The following MCPH1 variants were observed in gnomAD, a reference collection of about 807,000 sequenced individuals.
MCPH1 encodes microcephalin 1, also known as microcephalin.
Under a neutral mutation model 84.5 loss-of-function variants are expected in MCPH1, and 104 were observed. The observed-to-expected ratio is 1.23, with a 90% confidence interval of 1.05 to 1.45. The LOEUF is 1.45. Ranked by LOEUF, MCPH1 falls within the 40% of genes most tolerant of loss-of-function variation. The pLI is 0.00. For synonymous variants in MCPH1, 514 were observed against 366.8 expected, an observed-to-expected ratio of 1.40 and a Z score of -4.58; for missense variants, 1,498 against 1,005.7, an observed-to-expected ratio of 1.49 and a Z score of -6.62.
chr8:6,446,940 A>C, intron 8 of MCPH1: 1 of 985,304 alleles, frequency 1.0e-6, no homozygotes, highest in Non-Finnish European at 1.2e-6. Context: ...GGCCAGCACT[A>C]GTTGACTCAA....
chr8:6,433,067 G>C (rs1193139128), intron 4 of MCPH1, among the ~76,000 whole-genome samples: 1 of 152,154 alleles, frequency 6.6e-6, no homozygotes, highest in Non-Finnish European at 1.5e-5. Flanking sequence ...GTATCATTTG[G>C]TGAGTTGCCT....
chr8:6,473,747 G>C, intron 9 of MCPH1: 1 of 604,712 alleles, frequency 1.7e-6, no homozygotes, highest in Non-Finnish European at 2.6e-6. Context: ...CCTGCAACAT[G>C]AGTTTAATAA....
In MCPH1 at chr8:6,409,313, T is replaced by C; in HGVS notation, c.57T>C (p.Asn19=). Reference sequence around the variant, plus strand: ...CCTATGTTGAAGTGTGGTCATCCAATGGAACAGAAAATTATTCAAAGACAT... The same window carrying C: ...CCTATGTTGAAGTGTGGTCATCCAACGGAACAGAAAATTATTCAAAGACAT... ...VVAYVEVWSS[N]GTENYSKTFT... is the part of the protein sequence containing the mutation. Residue 19 remains asparagine, a synonymous_variant, in exon 2 of 14, where the codon AAT becomes AAC. Coordinates refer to ENST00000344683, the MANE Select transcript of MCPH1 (RefSeq NM_024596.5). 1 of 1,614,108 alleles carries C rather than the reference T, an allele frequency of 6.2e-7. No individual in the cohort carries two copies. The highest frequency in any genetic ancestry group is 8.5e-7 in the Non-Finnish European group (1 of 1,179,954).
intron 13 of MCPH1, 45 bp downstream of exon 13, chr8:6,621,736 T>C: frequency 6.2e-7 from 1 of 1,613,182 alleles, no homozygotes; most frequent in Non-Finnish European, 8.5e-7. Context: ...TCCAGATCTG[T>C]GGACAGGTTT....
chr8:6,645,792 TAAAC>T lies in MCPH1; in HGVS notation c.*2747_*2750del, dbSNP rs1182117309. ...TTCCATTTAAAATTGCATCTAAAAA[TAAAC>T]AAAATAGGAATAGACTTGGCAACAG... is the stretch of plus-strand genomic sequence containing the variant. On this transcript the variant is annotated 3_prime_UTR_variant, in exon 14 of 14. Coordinates refer to ENST00000344683, the MANE Select transcript of MCPH1 (RefSeq NM_024596.5). The T allele has an allele frequency of 3.9e-5, 6 of 152,012 alleles. No homozygotes were observed. Among genetic ancestry groups the T allele is most frequent in the Admixed American group, 6.6e-5 (1 of 15,260 alleles). 9.4% of individuals were successfully genotyped at this position (152,012 alleles called of 1,614,324 possible).
rs576608772 is a variant in MCPH1, at chr8:6,457,414, G to A, written c.1935+2162G>A. 5.9e-5 allele frequency among the ~76,000 whole-genome samples: 9 copies of A among 151,996 alleles called. No individual in the cohort carries two copies. The South Asian group carries it at 1.2e-3, about 21-fold the overall frequency. Reference sequence around the variant, plus strand: ...AGCCTGGCCAACATGGCAAAACCCTGGCCAACATGGCAAAATCCCGTCTCT... The same window carrying A: ...AGCCTGGCCAACATGGCAAAACCCTAGCCAACATGGCAAAATCCCGTCTCT... On this transcript the variant is annotated intron_variant, in intron 9 of 13. Coordinates refer to ENST00000344683, the MANE Select transcript of MCPH1 (RefSeq NM_024596.5).
At chr8:6,412,035 A>T (rs1798610194) in intron 2 of MCPH1, among the ~76,000 whole-genome samples, 1 of 152,150 alleles carries the variant, frequency 6.6e-6, no homozygotes, top group African/African-American at 2.4e-5. Flanking sequence ...GGAGCAAGAG[A>T]GCTGCTGTGG....
intron 4 of MCPH1, among the ~76,000 whole-genome samples, chr8:6,433,815 C>A (rs990648552): frequency 6.6e-6 from 1 of 151,948 alleles, no homozygotes; most frequent in Non-Finnish European, 1.5e-5. Context: ...GCAAATTAAA[C>A]CCGACTCAAG....
At chr8:6,458,492 A>G (rs1043071992) in intron 9 of MCPH1, among the ~76,000 whole-genome samples, 1 of 151,718 alleles carries the variant, frequency 6.6e-6, no homozygotes, top group African/African-American at 2.4e-5. Flanking sequence ...AAAAAGAAAA[A>G]AAAAAATTCC....
At chr8:6,551,306 G>T (rs566319188) in intron 12 of MCPH1, among the ~76,000 whole-genome samples, 1 of 152,176 alleles carries the variant, frequency 6.6e-6, no homozygotes. Context: ...AAGGGGAAAG[G>T]AAGAATAGTG....
At chr8:6,540,871 G>A (rs188137936) in intron 12 of MCPH1, among the ~76,000 whole-genome samples, 314 of 152,354 alleles carry the variant, frequency 2.1e-3, no homozygotes, top group African/African-American at 7.2e-3. Context: ...GGCCACCGCC[G>A]CGCTGGCTGG....
intron 9 of MCPH1, among the ~76,000 whole-genome samples, chr8:6,466,696 G>A (rs1391746002): frequency 6.6e-6 from 1 of 151,882 alleles, no homozygotes; most frequent in Non-Finnish European, 1.5e-5. Flanking sequence ...ACCTCGGCCT[G>A]TCAAAGTGCT....
Position 6,648,184 on chromosome 8 carries a change from A to T in MCPH1, c.*5135A>T, listed in dbSNP as rs1055749. The T allele has an allele frequency of 0.46, 69,483 of 152,082 alleles. 18,064 individuals carry two copies. The highest frequency in any genetic ancestry group is 0.69 in the African/African-American group (28,630 of 41,484). 9.4% of individuals were successfully genotyped at this position (152,082 alleles called of 1,614,324 possible). The stretch of plus-strand genomic sequence containing the variant: ...CTGATTCAGCCCAACATGAGGCTCC[A>T]CACCCTAGAACTCCCTGTGGAGTTG... On this transcript the variant is annotated 3_prime_UTR_variant, in exon 14 of 14. Transcript: ENST00000344683.
chr8:6,590,661 AAAT>A (rs1207553295), intron 12 of MCPH1, among the ~76,000 whole-genome samples: 11 of 152,248 alleles, frequency 7.2e-5, no homozygotes, highest in African/African-American at 2.4e-4. Flanking sequence ...ATAAAGGAAA[AAAT>A]AATAATAAGT....
At chr8:6,535,562 T>C (rs1820330572) in intron 12 of MCPH1, among the ~76,000 whole-genome samples, 1 of 152,220 alleles carries the variant, frequency 6.6e-6, no homozygotes, top group South Asian at 2.1e-4. Flanking sequence ...ACATGATGTG[T>C]GTATATACAG....
chr8:6,488,971 A>C (rs1425499128), intron 11 of MCPH1, among the ~76,000 whole-genome samples: 1 of 151,994 alleles, frequency 6.6e-6, no homozygotes, highest in African/African-American at 2.4e-5. Context: ...GGTGTGTGGG[A>C]ATGGAGAAGT....
intron 12 of MCPH1, chr8:6,527,676 C>T (rs1195089535): frequency 1.2e-6 from 2 of 1,602,972 alleles, no homozygotes; most frequent in South Asian, 1.1e-5. Flanking sequence ...TGATTTAATA[C>T]CTAAATGTAA....
intron 11 of MCPH1, among the ~76,000 whole-genome samples, chr8:6,481,526 C>T (rs928009249): frequency 6.6e-6 from 1 of 152,198 alleles, no homozygotes; most frequent in African/African-American, 2.4e-5. Flanking sequence ...TCACTTGTTA[C>T]GTATGTTACC....
intron 13 of MCPH1, chr8:6,626,103 G>A (rs1832049176): frequency 4.0e-5 from 39 of 985,176 alleles, no homozygotes; most frequent in East Asian, 1.1e-4. Context: ...CCATATCTAT[G>A]ACGATAAAAA....
Sources: gnomAD v4.1 joint callset for allele counts (sites outside exome capture counted in the v4.1 genomes callset) on GRCh38, gnomAD v4.1.1 for gene constraint, MANE v1.5 for transcripts, NCBI Gene and HGNC (gene_info 2026-07-23, HGNC 2026-07-21) for gene names.